SEMA6D: variants seen among roughly 807,000 people sequenced by gnomAD.
SEMA6D encodes semaphorin 6D, also known as semaphorin-6D.
SEMA6D carries 35 observed loss-of-function variants against 106.6 expected under a neutral mutation model. The ratio of observed to expected loss-of-function variants is 0.33; its 90% CI spans 0.25 to 0.44. The LOEUF (loss-of-function observed/expected upper bound fraction) is 0.44. Ranked by LOEUF, SEMA6D falls within the 20% of genes least tolerant of loss-of-function variation. SEMA6D has a pLI of 1.00. For missense variants in SEMA6D, 1,185 were observed against 1,345.9 expected (o/e 0.88, Z 1.87); for synonymous variants, 499 against 487.7 (o/e 1.02, Z -0.31).
intron 3 of SEMA6D, among the ~76,000 whole-genome samples, chr15:47,589,391 G>A (rs1172021023): frequency 6.6e-6 from 1 of 152,240 alleles, no homozygotes; most frequent in East Asian, 1.9e-4. Context: ...ACTCTGGCAG[G>A]CCTTCCTGTT....
intron 1 of SEMA6D, among the ~76,000 whole-genome samples, chr15:47,343,010 G>T (rs1025403503): frequency 5.9e-5 from 9 of 152,134 alleles, no homozygotes; most frequent in African/African-American, 2.2e-4. Flanking sequence ...ACTGCGCCCA[G>T]CCCTCAAATT....
At chr15:47,191,321 A>G (rs1031908461) in intron 1 of SEMA6D, among the ~76,000 whole-genome samples, 2 of 152,086 alleles carry the variant, frequency 1.3e-5, no homozygotes, top group Non-Finnish European at 2.9e-5. Context: ...AAGTATTACT[A>G]TCATCCTAAA....
intron 3 of SEMA6D, among the ~76,000 whole-genome samples, chr15:47,560,158 C>T (rs999125599): frequency 1.3e-5 from 2 of 151,778 alleles, no homozygotes; most frequent in Non-Finnish European, 2.9e-5. Context: ...AAAGTGTATT[C>T]AACCAAAAGT....
At chr15:47,348,727 CAGAG>C (rs55719976) in intron 1 of SEMA6D, among the ~76,000 whole-genome samples, 64 of 57,112 alleles carry the variant, frequency 1.1e-3, no homozygotes, top group East Asian at 4.3e-3. Context: ...ACCACACACA[CAGAG>C]AGAGAGAGAG....
At chr15:47,651,536 G>A (rs773309994) in intron 4 of SEMA6D, among the ~76,000 whole-genome samples, 2 of 152,178 alleles carry the variant, frequency 1.3e-5, no homozygotes, top group African/African-American at 4.8e-5. Context: ...TAAAACCAGA[G>A]TTAACCCATC....
At chr15:47,260,050 G>T in intron 1 of SEMA6D, among the ~76,000 whole-genome samples, 1 of 149,190 alleles carries the variant, frequency 6.7e-6, no homozygotes, top group Admixed American at 6.7e-5. Flanking sequence ...ATTTCTATTT[G>T]GTTCTTTTTA....
At chr15:47,593,388 A>AGAGC (rs1386989881) in intron 3 of SEMA6D, among the ~76,000 whole-genome samples, 1 of 123,752 alleles carries the variant, frequency 8.1e-6, no homozygotes, top group Non-Finnish European at 1.6e-5. Context: ...CCTGGGCGAC[A>AGAGC]GAGCGAAACT....
chr15:47,695,409 C>A (rs1480057157), intron 4 of SEMA6D, among the ~76,000 whole-genome samples: 1 of 152,098 alleles, frequency 6.6e-6, no homozygotes, highest in African/African-American at 2.4e-5. Context: ...CCAACACCAG[C>A]TGGAAGAGAT....
intron 4 of SEMA6D, among the ~76,000 whole-genome samples, chr15:47,644,047 G>A (rs894582779): frequency 6.6e-6 from 1 of 151,848 alleles, no homozygotes; most frequent in Non-Finnish European, 1.5e-5. Flanking sequence ...TGCATCCCTG[G>A]CTATATACCT....
At chr15:47,762,557 G>T (rs1438312136) in intron 8 of SEMA6D, among the ~76,000 whole-genome samples, 1 of 152,076 alleles carries the variant, frequency 6.6e-6, no homozygotes, top group Non-Finnish European at 1.5e-5. Context: ...AAAAAGGGGA[G>T]ATTTCATCTC....
chr15:47,302,073 CA>C (rs2036046380), intron 1 of SEMA6D, among the ~76,000 whole-genome samples: 1 of 152,154 alleles, frequency 6.6e-6, no homozygotes, highest in Non-Finnish European at 1.5e-5. Flanking sequence ...GCCCCTACTG[CA>C]TACAGTTTAT....
intron 1 of SEMA6D, among the ~76,000 whole-genome samples, chr15:47,371,814 TTTA>T (rs2039283078): frequency 6.6e-6 from 1 of 152,190 alleles, no homozygotes; most frequent in Non-Finnish European, 1.5e-5. Context: ...ATAGAAAATA[TTTA>T]TTGAGTGCTT....
At chr15:47,656,197 C>T (rs1008652844) in intron 4 of SEMA6D, among the ~76,000 whole-genome samples, 2 of 152,172 alleles carry the variant, frequency 1.3e-5, no homozygotes, top group African/African-American at 2.4e-5. Context: ...AATGAACCAA[C>T]AGTATATACG....
intron 4 of SEMA6D, among the ~76,000 whole-genome samples, chr15:47,677,720 C>T (rs2078273658): frequency 6.6e-6 from 1 of 152,172 alleles, no homozygotes. Context: ...CAGTCATTCA[C>T]ATTTAAAAAT....
chr15:47,632,295 G>A (rs535367540), intron 4 of SEMA6D, among the ~76,000 whole-genome samples: 45 of 151,886 alleles, frequency 3.0e-4, no homozygotes, highest in Non-Finnish European at 4.7e-4. Flanking sequence ...TTGGGATAGA[G>A]TGTTCTCTCT....
chr15:47,367,704 A>T (rs281275), intron 1 of SEMA6D, among the ~76,000 whole-genome samples: 1 of 123,676 alleles, frequency 8.1e-6, no homozygotes, highest in African/African-American at 5.5e-5. Flanking sequence ...ACACACACAC[A>T]CACACACACA....
intron 4 of SEMA6D, among the ~76,000 whole-genome samples, chr15:47,605,834 C>T (rs1382126604): frequency 6.6e-6 from 1 of 152,186 alleles, no homozygotes; most frequent in African/African-American, 2.4e-5. Context: ...ATGTGTTCAC[C>T]AACCCAGAAG....
intron 1 of SEMA6D, among the ~76,000 whole-genome samples, chr15:47,752,541 C>T (rs1359955488): frequency 6.6e-6 from 1 of 152,132 alleles, no homozygotes; most frequent in African/African-American, 2.4e-5. Flanking sequence ...ATCAGGGCTA[C>T]AGGAGGTATT....
chr15:47,472,839 A>G (rs1305933412), intron 3 of SEMA6D, among the ~76,000 whole-genome samples: 1 of 152,226 alleles, frequency 6.6e-6, no homozygotes, highest in Non-Finnish European at 1.5e-5. Context: ...GGTAGGAGGT[A>G]GAATCACTTT....
Sources: allele counts gnomAD v4.1 joint callset (sites outside exome capture counted in the v4.1 genomes callset), GRCh38; gene constraint gnomAD v4.1.1; transcripts MANE v1.5; gene names NCBI Gene and HGNC (gene_info 2026-07-23, HGNC 2026-07-21).